MAGI2: variants seen among roughly 807,000 people sequenced by gnomAD.
The protein encoded by MAGI2 is membrane associated guanylate kinase, WW and PDZ domain containing 2, also known as membrane-associated guanylate kinase, WW and PDZ domain-containing protein 2.
Under a neutral mutation model 133.3 loss-of-function variants are expected in MAGI2, and 35 were observed. That is an observed-to-expected ratio of 0.26 (90% CI 0.20 to 0.35). The LOEUF (loss-of-function observed/expected upper bound fraction) is 0.35, where lower values mean the gene tolerates loss of function less well. MAGI2 is among the 10% of genes least tolerant of loss of function. The pLI is 1.00. For missense variants in MAGI2, 1,636 were observed against 1,863.4 expected (o/e 0.88, Z 2.25); for synonymous variants, 729 against 710.6 (o/e 1.03, Z -0.41).
intron 2 of MAGI2, among the ~76,000 whole-genome samples, chr7:78,713,747 G>A (rs935913018): frequency 1.3e-5 from 2 of 152,112 alleles, no homozygotes; most frequent in African/African-American, 4.8e-5. Flanking sequence ...GAGGTACTAT[G>A]TTGATTCAGT....
intron 1 of MAGI2, among the ~76,000 whole-genome samples, chr7:79,243,645 G>A (rs543967514): frequency 6.6e-5 from 10 of 152,310 alleles, no homozygotes; most frequent in African/African-American, 2.4e-4. Context: ...TGGTGATAGA[G>A]GGTAGGGGAT....
intron 6 of MAGI2, among the ~76,000 whole-genome samples, chr7:78,401,482 A>G (rs1014356969): frequency 6.6e-6 from 1 of 151,550 alleles, no homozygotes; most frequent in Non-Finnish European, 1.5e-5. Context: ...TCTCTCTCTC[A>G]TTTTGTTGAA....
intron 2 of MAGI2, among the ~76,000 whole-genome samples, chr7:78,859,909 C>A (rs1456776123): frequency 1.3e-5 from 2 of 152,120 alleles, no homozygotes. Flanking sequence ...TTCACCTAGT[C>A]CCATATTTCT....
At chr7:79,348,993 A>T (rs557175400) in intron 1 of MAGI2, among the ~76,000 whole-genome samples, 2 of 152,094 alleles carry the variant, frequency 1.3e-5, no homozygotes, top group Admixed American at 6.6e-5. Context: ...TAAAGTATTT[A>T]GCTCAAAAAA....
chr7:78,969,935 G>A (rs948132022), intron 2 of MAGI2, among the ~76,000 whole-genome samples: 6 of 151,880 alleles, frequency 4.0e-5, no homozygotes, highest in Admixed American at 3.3e-4. Context: ...CTTTAAAAAC[G>A]AGGAGACTGA....
chr7:78,474,047 C>A (rs1461278990), intron 6 of MAGI2, among the ~76,000 whole-genome samples: 1 of 152,018 alleles, frequency 6.6e-6, no homozygotes, highest in African/African-American at 2.4e-5. Flanking sequence ...AGGTTACATA[C>A]CCTGCAGCCC....
intron 9 of MAGI2, among the ~76,000 whole-genome samples, chr7:78,285,479 C>T (rs978561739): frequency 6.6e-6 from 1 of 151,992 alleles, no homozygotes; most frequent in Non-Finnish European, 1.5e-5. Context: ...TGTTATGTGC[C>T]AGGCATTGTG....
At chr7:78,681,613 A>G (rs556162898) in intron 2 of MAGI2, among the ~76,000 whole-genome samples, 1 of 152,120 alleles carries the variant, frequency 6.6e-6, no homozygotes. Flanking sequence ...GATCTGTAAT[A>G]TATGCTGCCA....
At chr7:78,633,183 C>CTAAA in intron 2 of MAGI2, among the ~76,000 whole-genome samples, 1 of 152,104 alleles carries the variant, frequency 6.6e-6, no homozygotes, top group Non-Finnish European at 1.5e-5. Flanking sequence ...TAAGTGGGAG[C>CTAAA]TAAATGGTGA....
At chr7:78,140,573 T>G (rs12668675) in intron 16 of MAGI2, among the ~76,000 whole-genome samples, 1 of 152,094 alleles carries the variant, frequency 6.6e-6, no homozygotes, top group Non-Finnish European at 1.5e-5. Context: ...TTAAACAACA[T>G]GTCATTAGCT....
chr7:78,808,193 G>A (rs1788744014), intron 2 of MAGI2, among the ~76,000 whole-genome samples: 1 of 152,108 alleles, frequency 6.6e-6, no homozygotes, highest in African/African-American at 2.4e-5. Context: ...GTAAGCTGGA[G>A]CCCTGGTGGA....
At chr7:79,241,882 A>G (rs1488658207) in intron 1 of MAGI2, among the ~76,000 whole-genome samples, 1 of 152,156 alleles carries the variant, frequency 6.6e-6, no homozygotes, top group Non-Finnish European at 1.5e-5. Flanking sequence ...CTGTGGTCCC[A>G]TCTAGAGGCA....
At chr7:78,624,857 C>T (rs1267687868) in intron 3 of MAGI2, among the ~76,000 whole-genome samples, 1 of 152,024 alleles carries the variant, frequency 6.6e-6, no homozygotes, top group African/African-American at 2.4e-5. Context: ...ATATTACTGG[C>T]TTAGATAATT....
At chr7:78,593,467 G>C (rs1804261384) in intron 3 of MAGI2, among the ~76,000 whole-genome samples, 2 of 152,186 alleles carry the variant, frequency 1.3e-5, no homozygotes, top group East Asian at 3.9e-4. Flanking sequence ...GTGACACATG[G>C]GTCTGGTGGC....
chr7:79,151,596 C>T (rs1203232820), intron 1 of MAGI2, among the ~76,000 whole-genome samples: 1 of 152,074 alleles, frequency 6.6e-6, no homozygotes, highest in East Asian at 1.9e-4. Flanking sequence ...GAAATACCCC[C>T]TGGACATTGA....
chr7:78,306,109 A>C (rs765553693), intron 9 of MAGI2, among the ~76,000 whole-genome samples: 3 of 152,198 alleles, frequency 2.0e-5, no homozygotes, highest in African/African-American at 4.8e-5. Flanking sequence ...TGTTGAACTG[A>C]GCTGAAGTGG....
At chr7:78,052,199 G>A (rs1812081407) in intron 21 of MAGI2, among the ~76,000 whole-genome samples, 1 of 152,138 alleles carries the variant, frequency 6.6e-6, no homozygotes, top group Admixed American at 6.6e-5. Context: ...ACCTCATGCT[G>A]AAATTTGATC....
Position 78,284,458 on chromosome 7 carries a change from T to C in MAGI2, c.1409-27877A>G, listed in dbSNP as rs1795948335. On this transcript the variant is annotated intron_variant, in intron 9 of 21. Transcript: ENST00000354212. Reference sequence around the variant, plus strand: ...AGGGGAGGTTTTCTTTTCTTTTTTTTTTTTTTTAAAATAAGAATCCTTCAT... The same window carrying C: ...AGGGGAGGTTTTCTTTTCTTTTTTTCTTTTTTTAAAATAAGAATCCTTCAT... Among the ~76,000 whole-genome samples the C allele has an allele frequency of 2.0e-5, 3 of 151,256 alleles. No homozygotes were observed. The South Asian group carries it at 6.3e-4, about 32-fold the overall frequency.
chr7:78,053,674 C>G (rs1237284004), intron 21 of MAGI2, among the ~76,000 whole-genome samples: 4 of 152,214 alleles, frequency 2.6e-5, no homozygotes, highest in Non-Finnish European at 5.9e-5. Flanking sequence ...TTCTCATAAG[C>G]TCCAATCCCC....
Sources: gnomAD v4.1 joint callset for allele counts (sites outside exome capture counted in the v4.1 genomes callset) on GRCh38, gnomAD v4.1.1 for gene constraint, MANE v1.5 for transcripts, NCBI Gene and HGNC (gene_info 2026-07-23, HGNC 2026-07-21) for gene names.